The following VPS13B variants were observed in gnomAD, a reference collection of about 807,000 sequenced individuals.
The protein encoded by VPS13B is intermembrane lipid transfer protein VPS13B.
VPS13B carries 285 observed loss-of-function variants against 426.4 expected under a neutral mutation model. The observed-to-expected ratio is 0.67, with a 90% confidence interval of 0.61 to 0.74. VPS13B has a LOEUF of 0.74. VPS13B is among the 30% of genes least tolerant of loss of function. The pLI is 0.00. For missense variants in VPS13B, 4,537 were observed against 4,782.6 expected (o/e 0.95, Z 1.51); for synonymous variants, 1,676 against 1,676.4 (o/e 1.00, Z 0.01).
At chr8:99,567,479 G>GT (rs200194869) in intron 31 of VPS13B, among the ~76,000 whole-genome samples, 4,690 of 131,780 alleles carry the variant, frequency 0.036, 92 homozygotes, top group Non-Finnish European at 0.046. Flanking sequence ...TTTTGTTGGT[G>GT]TTTTTTTTTT....
chr8:99,691,624 A>C (rs1315543996), intron 35 of VPS13B, among the ~76,000 whole-genome samples: 1 of 151,610 alleles, frequency 6.6e-6, no homozygotes, highest in Admixed American at 6.6e-5. Context: ...CTAGGAAGAA[A>C]CTGCATCAAC....
At chr8:99,577,717 T>A in intron 33 of VPS13B, 84 bp downstream of exon 33, 6 of 1,467,914 alleles carry the variant, frequency 4.1e-6, no homozygotes, top group Non-Finnish European at 5.7e-6. Flanking sequence ...TTAAGCTGAC[T>A]GCTTTCTGCT....
intron 17 of VPS13B, among the ~76,000 whole-genome samples, chr8:99,195,487 C>T (rs1413094970): frequency 3.3e-5 from 5 of 152,104 alleles, no homozygotes; most frequent in Non-Finnish European, 7.4e-5. Flanking sequence ...AACTCTTTAT[C>T]AGAGGGATGG....
At chr8:99,607,794 A>T (rs1000717813) in intron 33 of VPS13B, among the ~76,000 whole-genome samples, 11 of 152,172 alleles carry the variant, frequency 7.2e-5, no homozygotes, top group African/African-American at 2.2e-4. Flanking sequence ...TGGGACATTT[A>T]AAAATATTAA....
At chr8:99,562,319 C>G (rs1162684324) in intron 31 of VPS13B, among the ~76,000 whole-genome samples, 1 of 135,612 alleles carries the variant, frequency 7.4e-6, no homozygotes, top group Non-Finnish European at 1.5e-5. Context: ...CTTGCTTTGT[C>G]ACCCAGGTTG....
intron 5 of VPS13B, among the ~76,000 whole-genome samples, chr8:99,106,355 A>C (rs1253017320): frequency 2.0e-5 from 3 of 150,414 alleles, no homozygotes; most frequent in Non-Finnish European, 4.4e-5. Flanking sequence ...GAATCACTTG[A>C]ACCCAGGAGG....
rs183338444 is a variant in VPS13B, at chr8:99,387,980, A to G, written c.2935-3577A>G. On this transcript the variant is annotated intron_variant, in intron 20 of 61. Coordinates refer to ENST00000357162, the MANE Select transcript of VPS13B (RefSeq NM_152564.5). ...TTGTGTAATCATTACAATAATGTGA[A>G]AATTTGAAAACCTAAATGAAAATTT... is the stretch of plus-strand genomic sequence containing the variant. Among the ~76,000 whole-genome samples the G allele has an allele frequency of 4.6e-3, 697 of 152,346 alleles. 5 individuals carry two copies. The highest frequency in any genetic ancestry group is 0.016 in the African/African-American group (657 of 41,570).
intron 39 of VPS13B, among the ~76,000 whole-genome samples, chr8:99,761,290 A>G (rs1291444310): frequency 6.6e-6 from 1 of 152,236 alleles, no homozygotes; most frequent in Non-Finnish European, 1.5e-5. Flanking sequence ...TGAAGTATGT[A>G]ACTACAGAGC....
At chr8:99,647,659 G>C (rs746515241) in intron 34 of VPS13B, among the ~76,000 whole-genome samples, 1 of 151,436 alleles carries the variant, frequency 6.6e-6, no homozygotes, top group Non-Finnish European at 1.5e-5. Flanking sequence ...ATATGTCAAA[G>C]GTTTTATTTA....
chr8:99,063,779 C>T (rs1419524222), intron 3 of VPS13B, among the ~76,000 whole-genome samples: 1 of 152,242 alleles, frequency 6.6e-6, no homozygotes, highest in African/African-American at 2.4e-5. Context: ...AAGTGGGTCC[C>T]TGACCCCTGT....
intron 54 of VPS13B, among the ~76,000 whole-genome samples, chr8:99,841,236 G>C (rs1428651035): frequency 1.3e-5 from 2 of 152,004 alleles, no homozygotes; most frequent in Non-Finnish European, 2.9e-5. Flanking sequence ...TCACCTCATA[G>C]CTTTAGCTAC....
At chr8:99,858,010 G>A (rs373880478) in intron 56 of VPS13B, among the ~76,000 whole-genome samples, 20 of 152,306 alleles carry the variant, frequency 1.3e-4, no homozygotes, top group African/African-American at 2.2e-4. Context: ...GGACCTTGGC[G>A]TGGCTGTTGT....
intron 44 of VPS13B, among the ~76,000 whole-genome samples, 184 bp downstream of exon 44, chr8:99,809,714 T>A (rs1395010266): frequency 6.6e-6 from 1 of 152,186 alleles, no homozygotes. Context: ...CTTCAAACCC[T>A]TTGTCCCACT....
intron 24 of VPS13B, among the ~76,000 whole-genome samples, chr8:99,473,418 A>G (rs1433491087): frequency 6.6e-6 from 1 of 152,118 alleles, no homozygotes; most frequent in Admixed American, 6.5e-5. Flanking sequence ...GAAAAATCAT[A>G]TGATCATCTC....
At position 99,603,538 on chromosome 8, in the gene VPS13B, A is replaced by G. The variant is rs1407950122; in HGVS notation, c.5220+25905A>G. Among the ~76,000 whole-genome samples the G allele has an allele frequency of 2.6e-5, 4 of 152,296 alleles. No individual in the cohort carries two copies. The East Asian group carries it at 7.7e-4, about 29-fold the overall frequency. On this transcript the variant is annotated intron_variant, in intron 33 of 61. Coordinates refer to ENST00000357162, the MANE Select transcript of VPS13B (RefSeq NM_152564.5). ...TTGAACACAGCACTGTAGTACAGGA[A>G]CAGTTGATCTGATCATCAAGATGGC...
chr8:99,868,157 T>C, intron 58 of VPS13B, 132 bp from the exon 59 acceptor site: 1 of 1,053,742 alleles, frequency 9.5e-7, no homozygotes, highest in Admixed American at 2.1e-5. Context: ...GGTAAACAAA[T>C]GGGTAGTAAA....
chr8:99,149,985 C>T (rs982839168), intron 14 of VPS13B, among the ~76,000 whole-genome samples: 8 of 152,060 alleles, frequency 5.3e-5, no homozygotes, highest in African/African-American at 1.9e-4. Flanking sequence ...TCTCCGATGC[C>T]AGAAAGGTTG....
intron 19 of VPS13B, among the ~76,000 whole-genome samples, chr8:99,311,102 G>C (rs1389597845): frequency 6.6e-6 from 1 of 151,830 alleles, no homozygotes; most frequent in East Asian, 1.9e-4. Context: ...CAATTTTGTT[G>C]ATCTTTTCAA....
intron 27 of VPS13B, among the ~76,000 whole-genome samples, chr8:99,504,039 G>A (rs896169215): frequency 1.3e-5 from 2 of 152,178 alleles, no homozygotes; most frequent in Admixed American, 1.3e-4. Flanking sequence ...AGTGTTGGAG[G>A]TTGGGCCTAG....
Sources: gnomAD v4.1 joint callset for allele counts (sites outside exome capture counted in the v4.1 genomes callset) on GRCh38, gnomAD v4.1.1 for gene constraint, MANE v1.5 for transcripts, NCBI Gene and HGNC (gene_info 2026-07-23, HGNC 2026-07-21) for gene names.